Variants in TRPM1 observed in about 807,000 individuals in gnomAD.
TRPM1 encodes the protein TRPM1-203 APA Isoform, Intron 10.
In TRPM1, 113 loss-of-function variants were observed where a neutral mutation model predicts 149.4. The observed-to-expected ratio is 0.76, with a 90% confidence interval of 0.65 to 0.88. TRPM1 has a LOEUF of 0.88. Among genes scored for constraint, TRPM1 ranks in the 40% least tolerant of loss-of-function variants. TRPM1 has a pLI of 0.00. For synonymous variants in TRPM1, 741 were observed against 759.5 expected, an observed-to-expected ratio of 0.98 and a Z score of 0.40; for missense variants, 1,976 against 2,038.7, an observed-to-expected ratio of 0.97 and a Z score of 0.59.
At chr15:31,082,189 C>G (rs1255508293) in intron 1 of TRPM1, among the ~76,000 whole-genome samples, 1 of 152,180 alleles carries the variant, frequency 6.6e-6, no homozygotes, top group Admixed American at 6.5e-5. Context: ...CTCCCCACCC[C>G]CATTAGGTGA....
chr15:31,002,711 T>C lies in TRPM1; in HGVS notation c.3989A>G (p.Glu1330Gly). The C allele has an allele frequency of 6.2e-7, 1 of 1,614,198 alleles. No individual in the cohort carries two copies. The change falls in exon 28 of 28, where the codon GAA becomes GGA. Residue 1330 changes from glutamate (E) to glycine (G), a missense_variant. Glu to Gly is a moderately conservative substitution (Grantham distance 98). Transcript: ENST00000256552. ...RKKTCSFRIKEEKDVKTHLVP... is the reference protein window; with the variant it reads ...RKKTCSFRIKGEKDVKTHLVP... ...TAGGTGCGTTTTCACGTCCTTCTCTTCCTTTATACGGAAGGAACAGGTTTT... is the reference window on the plus strand; with the variant it reads ...TAGGTGCGTTTTCACGTCCTTCTCTCCCTTTATACGGAAGGAACAGGTTTT...
At position 31,063,140 on chromosome 15, in the gene TRPM1, G is replaced by A; in HGVS notation, c.943C>T (p.His315Tyr). The change falls in exon 8 of 28, where the codon CAC becomes TAC. Residue 315 changes from histidine (H) to tyrosine (Y), a missense_variant. This residue lies in a region of TRPM1 where 1,332 missense variants were observed against 1,347.1 expected (regional missense o/e 0.99). Coordinates refer to ENST00000256552, the MANE Select transcript of TRPM1 (RefSeq NM_001252024.2). The stretch of plus-strand genomic sequence containing the variant: ...TACCCGCCTTCTTCACAGTACTTGT[G>A]CGCAAAGGACAGGATGTCCGAGGCA... ...GRASDILSFA[H>Y]KYCEEGGIIN... The A allele has an allele frequency of 6.2e-7, 1 of 1,614,164 alleles. No homozygotes were observed. The highest frequency in any genetic ancestry group is 8.5e-7 in the Non-Finnish European group (1 of 1,180,040).
Position 31,068,675 on chromosome 15 carries a change from C to T in TRPM1, c.280-583G>A, listed in dbSNP as rs145453936. Reference sequence around the variant, plus strand: ...AGGAGGATCACTTGAACCTGGGAGGCGGAGGTTGCAGTGAGCCAAGATTGA... The same window carrying T: ...AGGAGGATCACTTGAACCTGGGAGGTGGAGGTTGCAGTGAGCCAAGATTGA... On this transcript the variant is annotated intron_variant, in intron 4 of 27. Coordinates refer to ENST00000256552, the MANE Select transcript of TRPM1 (RefSeq NM_001252024.2). 4.8e-4 allele frequency among the ~76,000 whole-genome samples: 64 copies of T among 133,928 alleles called. No homozygotes were observed. In the East Asian group the frequency reaches 0.011, roughly 24 times the overall value. The allele number at this position is 133,928 out of a possible 152,430, so 87.9% of individuals were successfully genotyped here. A position where few individuals can be genotyped will look rare whatever the true frequency, so the allele number is the denominator to read the frequency against.
At chr15:31,023,703 G>A (rs559369688) in intron 27 of TRPM1, among the ~76,000 whole-genome samples, 9 of 152,302 alleles carry the variant, frequency 5.9e-5, no homozygotes, top group East Asian at 1.9e-4. Context: ...GCTTAATGGC[G>A]ATGCCATTCA....
At chr15:31,087,056 C>T (rs56073110) in intron 1 of TRPM1, among the ~76,000 whole-genome samples, 1 of 151,734 alleles carries the variant, frequency 6.6e-6, no homozygotes, top group Non-Finnish European at 1.5e-5. Flanking sequence ...GATGGATACT[C>T]TGAAAAAACA....
intron 1 of TRPM1, among the ~76,000 whole-genome samples, chr15:31,139,206 A>G (rs1184330135): frequency 6.6e-6 from 1 of 152,220 alleles, no homozygotes; most frequent in Non-Finnish European, 1.5e-5. Flanking sequence ...GCATATCAGA[A>G]GGCACAGTAC....
chr15:31,047,025 C>T, intron 15 of TRPM1, 86 bp downstream of exon 15: 1 of 1,582,858 alleles, frequency 6.3e-7, no homozygotes, highest in Non-Finnish European at 8.7e-7. Flanking sequence ...GGGCTTGGCT[C>T]TGAACCGGCC....
intron 22 of TRPM1, among the ~76,000 whole-genome samples, chr15:31,031,702 A>G (rs2033088496): frequency 6.6e-6 from 1 of 152,206 alleles, no homozygotes; most frequent in Admixed American, 6.5e-5. Flanking sequence ...CCTTAGCTCA[A>G]AACCACTTGC....
At chr15:31,125,132 C>A (rs1008380265) in intron 1 of TRPM1, among the ~76,000 whole-genome samples, 1 of 152,150 alleles carries the variant, frequency 6.6e-6, no homozygotes, top group African/African-American at 2.4e-5. Flanking sequence ...GAACCAAGAA[C>A]GTGTCACTGT....
intron 21 of TRPM1, among the ~76,000 whole-genome samples, chr15:31,034,780 T>G (rs1332616823): frequency 1.3e-5 from 2 of 152,208 alleles, no homozygotes; most frequent in Admixed American, 1.3e-4. Context: ...AAGCCAAAAT[T>G]TGTGCCCAGT....
intron 1 of TRPM1, among the ~76,000 whole-genome samples, chr15:31,108,583 TC>T (rs1240653949): frequency 1.3e-5 from 2 of 152,224 alleles, no homozygotes; most frequent in Non-Finnish European, 2.9e-5. Flanking sequence ...AACCTCTGCA[TC>T]CCGGGTTCAA....
chr15:31,100,407 C>A (rs769301226), intron 1 of TRPM1, among the ~76,000 whole-genome samples: 1 of 152,016 alleles, frequency 6.6e-6, no homozygotes, highest in Non-Finnish European at 1.5e-5. Context: ...CTACCTCCCC[C>A]ACTACTTTTG....
intron 1 of TRPM1, chr15:31,160,889 T>C (rs2141070852): frequency 6.5e-7 from 1 of 1,535,450 alleles, no homozygotes; most frequent in African/African-American, 1.4e-5. Flanking sequence ...CGCAGGCCAC[T>C]GGCAAAGCTC....
chr15:31,092,605 A>T (rs1481197986), intron 1 of TRPM1, among the ~76,000 whole-genome samples: 1 of 152,208 alleles, frequency 6.6e-6, no homozygotes, highest in Non-Finnish European at 1.5e-5. Context: ...TTGTCTCAGG[A>T]AGTGGAGCAG....
At chr15:31,061,582 A>G in intron 9 of TRPM1, 68 bp from the exon 10 acceptor site, 1 of 1,350,480 alleles carries the variant, frequency 7.4e-7, no homozygotes. Context: ...GTGTTGTTAC[A>G]AAATGACCAC....
At chr15:31,096,311 C>T (rs1002149501) in intron 1 of TRPM1, among the ~76,000 whole-genome samples, 1 of 152,172 alleles carries the variant, frequency 6.6e-6, no homozygotes, top group South Asian at 2.1e-4. Flanking sequence ...TATGTGCAGA[C>T]ATCTTATACA....
intron 27 of TRPM1, among the ~76,000 whole-genome samples, chr15:31,003,666 A>G (rs1336937445): frequency 6.6e-6 from 1 of 152,234 alleles, no homozygotes; most frequent in Non-Finnish European, 1.5e-5. Context: ...ATTGAGGTTC[A>G]AGGGATTCAG....
chr15:31,002,024 A>G lies in TRPM1; in HGVS notation c.4676T>C (p.Val1559Ala), dbSNP rs1425794620. 6.2e-7 allele frequency: 1 copy of G among 1,614,112 alleles called. No individual in the cohort carries two copies. Among genetic ancestry groups the G allele is most frequent in the African/African-American group, 1.3e-5 (1 of 74,932 alleles). ...GAATCCCAAAGTTTGATCTGGCTTC[A>G]CAGACAGTAAGTTTTCCATCCCATT... Reference protein sequence around the residue: ...DRNGMENLLSVKPDQTLGFPS... With the variant: ...DRNGMENLLSAKPDQTLGFPS... Residue 1559 changes from valine (V) to alanine (A), a missense_variant, in exon 28 of 28, where the codon GTG becomes GCG. Val to Ala is a moderately conservative substitution (Grantham distance 64). Around this residue, in one of 3 missense-constraint regions of TRPM1, gnomAD observed 572 missense variants for 578.9 expected, o/e 0.99. Transcript: ENST00000256552.
intron 1 of TRPM1, among the ~76,000 whole-genome samples, chr15:31,097,699 G>A (rs970818508): frequency 2.0e-5 from 3 of 152,040 alleles, no homozygotes; most frequent in African/African-American, 7.2e-5. Context: ...AAAAAAAAGC[G>A]TAGTAAAATA....
Sources: allele counts gnomAD v4.1 joint callset (sites outside exome capture counted in the v4.1 genomes callset), GRCh38; gene constraint gnomAD v4.1.1; regional missense constraint gnomAD v4.1.1; transcripts MANE v1.5; gene names NCBI Gene and HGNC (gene_info 2026-07-23, HGNC 2026-07-21).